Variants in SDK1 observed in about 807,000 individuals in gnomAD.
SDK1 encodes protein sidekick-1.
Under a neutral mutation model 245.5 loss-of-function variants are expected in SDK1, and 157 were observed. That is an observed-to-expected ratio of 0.64 (90% CI 0.56 to 0.73). The LOEUF (loss-of-function observed/expected upper bound fraction) is 0.73, where lower values mean the gene tolerates loss of function less well. SDK1 is among the 30% of genes least tolerant of loss of function. SDK1 has a pLI of 0.00. For missense variants in SDK1, 3,583 were observed against 3,002.3 expected, an observed-to-expected ratio of 1.19 and a Z score of -4.52; for synonymous variants, 1,647 against 1,278.5, an observed-to-expected ratio of 1.29 and a Z score of -6.15.
At chr7:3,371,395 C>G (rs918630492) in intron 1 of SDK1, among the ~76,000 whole-genome samples, 3 of 151,972 alleles carry the variant, frequency 2.0e-5, no homozygotes, top group African/African-American at 7.3e-5. Flanking sequence ...GACAGTGTCT[C>G]TCTCTGAAAA....
chr7:3,681,787 T>G (rs1287134943), intron 4 of SDK1, among the ~76,000 whole-genome samples: 2 of 152,234 alleles, frequency 1.3e-5, no homozygotes, highest in African/African-American at 4.8e-5. Flanking sequence ...AGCTTTCTAT[T>G]TATTGATTAA....
At chr7:3,984,898 C>T (rs1391293871) in intron 13 of SDK1, among the ~76,000 whole-genome samples, 3 of 152,196 alleles carry the variant, frequency 2.0e-5, no homozygotes, top group African/African-American at 7.2e-5. Flanking sequence ...CTGTGCAGGC[C>T]AGTGCATTTT....
rs551597195 is a variant in SDK1 at position 4,145,214 on chromosome 7, G to T, written c.4229-508G>T. 1.2e-3 allele frequency among the ~76,000 whole-genome samples: 186 copies of T among 152,320 alleles called. 4 individuals are homozygous for T. The South Asian group carries it at 0.018, about 15-fold the overall frequency. ...ATGGACGTTGCTGGGGTCCCTGGAG[G>T]GAGCTGGGGGGTCAGAGGTGCAGGC... On this transcript the variant is annotated intron_variant, in intron 28 of 44. Coordinates refer to ENST00000404826, the MANE Select transcript of SDK1 (RefSeq NM_152744.4).
intron 1 of SDK1, among the ~76,000 whole-genome samples, chr7:3,417,385 A>C (rs1281151726): frequency 2.0e-5 from 3 of 152,026 alleles, no homozygotes; most frequent in Admixed American, 6.5e-5. Flanking sequence ...TTAGTTCTCA[A>C]GTTTGCCAAA....
At chr7:3,907,989 G>A (rs148228578) in intron 5 of SDK1, among the ~76,000 whole-genome samples, 1 of 152,212 alleles carries the variant, frequency 6.6e-6, no homozygotes, top group Non-Finnish European at 1.5e-5. Context: ...TGGGGCTTGG[G>A]GGTGATACTG....
chr7:3,357,770 G>C (rs1039083740), intron 1 of SDK1, among the ~76,000 whole-genome samples: 2 of 152,046 alleles, frequency 1.3e-5, no homozygotes, highest in Admixed American at 1.3e-4. Context: ...AAAGTCCCCA[G>C]TGACAGTATC....
At chr7:3,980,947 A>G (rs1783354307) in intron 13 of SDK1, among the ~76,000 whole-genome samples, 1 of 152,168 alleles carries the variant, frequency 6.6e-6, no homozygotes, top group Non-Finnish European at 1.5e-5. Flanking sequence ...CTCAAAAAAA[A>G]AAAAGAAAGA....
chr7:3,939,248 G>A (rs1780271237), intron 5 of SDK1, among the ~76,000 whole-genome samples: 1 of 152,238 alleles, frequency 6.6e-6, no homozygotes, highest in Non-Finnish European at 1.5e-5. Flanking sequence ...TCCTCTCACT[G>A]CACAATCCTG....
At chr7:3,333,793 A>T (rs1316620753) in intron 1 of SDK1, among the ~76,000 whole-genome samples, 2 of 152,176 alleles carry the variant, frequency 1.3e-5, no homozygotes, top group African/African-American at 4.8e-5. Flanking sequence ...TATTACAGGG[A>T]ATTAAATTTC....
chr7:3,720,421 A>G (rs916116770), intron 4 of SDK1, among the ~76,000 whole-genome samples: 1 of 152,244 alleles, frequency 6.6e-6, no homozygotes, highest in Non-Finnish European at 1.5e-5. Context: ...TGCAAAATAC[A>G]TACACAGATA....
intron 1 of SDK1, among the ~76,000 whole-genome samples, chr7:3,502,662 T>C (rs368594997): frequency 3.3e-5 from 5 of 152,356 alleles, no homozygotes; most frequent in East Asian, 1.9e-4. Context: ...TATACACTTA[T>C]ATTTTTTAAT....
intron 1 of SDK1, among the ~76,000 whole-genome samples, chr7:3,508,326 C>CTTT (rs746963363): frequency 2.0e-4 from 27 of 136,190 alleles, no homozygotes; most frequent in South Asian, 4.6e-4. Context: ...TCTTCTTCTT[C>CTTT]TTTTTTTTTT....
chr7:4,044,997 G>A (rs1788915885), intron 17 of SDK1, among the ~76,000 whole-genome samples: 1 of 152,046 alleles, frequency 6.6e-6, no homozygotes, highest in South Asian at 2.1e-4. Flanking sequence ...GCCTATTTCA[G>A]AACATCATAT....
intron 32 of SDK1, among the ~76,000 whole-genome samples, chr7:4,164,271 C>A (rs1781352482): frequency 6.6e-6 from 1 of 152,208 alleles, no homozygotes; most frequent in African/African-American, 2.4e-5. Context: ...AAGGACCCAC[C>A]CGCAACTTGC....
At chr7:3,655,614 C>T (rs971300364) in intron 4 of SDK1, among the ~76,000 whole-genome samples, 1 of 149,764 alleles carries the variant, frequency 6.7e-6, no homozygotes, top group Non-Finnish European at 1.5e-5. Flanking sequence ...AATTGTAATC[C>T]CAGAAATGAG....
chr7:3,578,161 G>T (rs546007078), intron 1 of SDK1, among the ~76,000 whole-genome samples: 1 of 152,006 alleles, frequency 6.6e-6, no homozygotes, highest in Non-Finnish European at 1.5e-5. Context: ...AGCATACAAA[G>T]AGAGGAATTT....
intron 21 of SDK1, 73 bp from the exon 22 acceptor site, chr7:4,079,390 T>G: frequency 6.4e-7 from 1 of 1,550,394 alleles, no homozygotes; most frequent in Non-Finnish European, 8.8e-7. Context: ...CTTTTGAAGC[T>G]GACACGTTTG....
chr7:3,729,216 A>G (rs1010015360), intron 4 of SDK1, among the ~76,000 whole-genome samples: 2 of 152,154 alleles, frequency 1.3e-5, no homozygotes, highest in African/African-American at 4.8e-5. Flanking sequence ...GGAAAACATC[A>G]TTTTGTTTTG....
At chr7:3,683,312 A>G (rs1784167223) in intron 4 of SDK1, among the ~76,000 whole-genome samples, 1 of 152,184 alleles carries the variant, frequency 6.6e-6, no homozygotes, top group Non-Finnish European at 1.5e-5. Flanking sequence ...ATAAATGAAT[A>G]ATTATTTAAG....
Sources: gnomAD v4.1 joint callset for allele counts (sites outside exome capture counted in the v4.1 genomes callset) on GRCh38, gnomAD v4.1.1 for gene constraint, MANE v1.5 for transcripts, NCBI Gene and HGNC (gene_info 2026-07-23, HGNC 2026-07-21) for gene names.